The following PCDH9 variants were observed in gnomAD, a reference collection of about 807,000 sequenced individuals.
The protein encoded by PCDH9 is protocadherin 9.
PCDH9 carries 24 observed loss-of-function variants against 70.6 expected under a neutral mutation model. That is an observed-to-expected ratio of 0.34 (90% confidence interval 0.25 to 0.48). The LOEUF (loss-of-function observed/expected upper bound fraction) is 0.48. PCDH9 is among the 20% of genes least tolerant of loss of function. The pLI, the probability that PCDH9 is intolerant of heterozygous loss-of-function variation, is 0.99. For missense variants in PCDH9, 1,281 were observed against 1,503.6 expected (o/e 0.85, Z 2.45); for synonymous variants, 562 against 558.5 (o/e 1.01, Z -0.09).
chr13:67,226,165 C>G lies in PCDH9; in HGVS notation c.2276G>C (p.Gly759Ala). ...AAGCGTGTGCAAAGACTTAGGGTAC[C>G]CCAGGTCACTTATGTTGACCACCAA... The part of the protein sequence containing the change: ...HRLVVNISDL[G>A]YPKSLHTLVL... Residue 759 changes from glycine to alanine, a missense_variant, in exon 2 of 5, where the codon GGG becomes GCG. Gly to Ala is a moderately conservative substitution (Grantham distance 60). Around this residue, in one of 4 missense-constraint regions of PCDH9, gnomAD observed 798 missense variants for 1,003.1 expected, o/e 0.80. Transcript: ENST00000377865. The surrounding 1 kb of genome is among the most constrained non-coding windows in gnomAD (Gnocchi z 5.0). 1.9e-6 allele frequency: 3 copies of G among 1,614,062 alleles called. No individual in the cohort carries two copies. Among genetic ancestry groups the G allele is most frequent in the Non-Finnish European group, 2.5e-6 (3 of 1,179,998 alleles).
intron 4 of PCDH9, among the ~76,000 whole-genome samples, chr13:66,356,325 C>T (rs1157535161): frequency 2.0e-5 from 3 of 152,086 alleles, no homozygotes; most frequent in Admixed American, 6.6e-5. Flanking sequence ...GTTTGAAACC[C>T]ACTCTCTAAA....
At chr13:66,603,562 A>G (rs889565775) in intron 4 of PCDH9, among the ~76,000 whole-genome samples, 8 of 152,022 alleles carry the variant, frequency 5.3e-5, no homozygotes, top group Non-Finnish European at 1.2e-4. Flanking sequence ...ATACATTGAC[A>G]TTCATATATA....
chr13:66,381,925 A>G (rs1956855519), intron 4 of PCDH9, among the ~76,000 whole-genome samples: 1 of 152,110 alleles, frequency 6.6e-6, no homozygotes, highest in Non-Finnish European at 1.5e-5. Flanking sequence ...GCACTTTGCC[A>G]TCTATACCAA....
intron 3 of PCDH9, among the ~76,000 whole-genome samples, chr13:66,772,289 T>G (rs757933671): frequency 6.6e-6 from 1 of 152,218 alleles, no homozygotes; most frequent in Non-Finnish European, 1.5e-5. Flanking sequence ...CTATCAATTC[T>G]CAAAACTCCC....
intron 3 of PCDH9, among the ~76,000 whole-genome samples, chr13:66,686,655 A>G (rs1237014718): frequency 6.6e-6 from 1 of 152,186 alleles, no homozygotes; most frequent in Non-Finnish European, 1.5e-5. Flanking sequence ...GTATAATATT[A>G]GTCTAACCAT....
chr13:67,033,726 G>A (rs1434065406), intron 2 of PCDH9, among the ~76,000 whole-genome samples: 3 of 152,166 alleles, frequency 2.0e-5, no homozygotes, highest in Admixed American at 2.0e-4. Context: ...TCTGCAATAT[G>A]AGCTTATTAA....
At chr13:66,497,502 A>G (rs1000066677) in intron 4 of PCDH9, among the ~76,000 whole-genome samples, 3 of 152,164 alleles carry the variant, frequency 2.0e-5, no homozygotes, top group Non-Finnish European at 4.4e-5. Context: ...CAGATGTCAC[A>G]CAGTCAATAT....
chr13:66,690,215 C>T (rs1165381243), intron 3 of PCDH9, among the ~76,000 whole-genome samples: 1 of 152,028 alleles, frequency 6.6e-6, no homozygotes, highest in African/African-American at 2.4e-5. Context: ...TGGAGTAATG[C>T]AGTTTTTTTT....
At chr13:66,643,360 G>A (rs1055420704) in intron 3 of PCDH9, among the ~76,000 whole-genome samples, 1 of 151,968 alleles carries the variant, frequency 6.6e-6, no homozygotes, top group African/African-American at 2.4e-5. Context: ...CCGGGTAGAG[G>A]AGTCTTTGTT....
chr13:67,031,224 T>C (rs1384957621), intron 2 of PCDH9, among the ~76,000 whole-genome samples: 2 of 152,176 alleles, frequency 1.3e-5, no homozygotes, highest in Non-Finnish European at 1.5e-5. Context: ...GTTGAAAACA[T>C]TCATAATTTT....
At chr13:66,936,181 T>C (rs1016393510) in intron 2 of PCDH9, among the ~76,000 whole-genome samples, 1 of 152,208 alleles carries the variant, frequency 6.6e-6, no homozygotes, top group Non-Finnish European at 1.5e-5. Flanking sequence ...CTTAAATATC[T>C]TATGCATGTT....
chr13:67,163,670 G>T (rs1415276086), intron 2 of PCDH9, among the ~76,000 whole-genome samples: 2 of 152,182 alleles, frequency 1.3e-5, no homozygotes, highest in Non-Finnish European at 2.9e-5. Flanking sequence ...AGAATTTGCT[G>T]CGTCAAGTAA....
At chr13:67,079,325 T>C (rs2085939588) in intron 2 of PCDH9, among the ~76,000 whole-genome samples, 1 of 151,978 alleles carries the variant, frequency 6.6e-6, no homozygotes, top group Non-Finnish European at 1.5e-5. Flanking sequence ...ACAAACATAA[T>C]AAGCTGTGTG....
intron 3 of PCDH9, among the ~76,000 whole-genome samples, chr13:66,638,914 C>T (rs1320915887): frequency 1.3e-5 from 2 of 152,076 alleles, no homozygotes; most frequent in African/African-American, 4.8e-5. Context: ...TCCTCCTTTC[C>T]TCTTTGAATT....
chr13:66,571,502 C>T (rs1466528742), intron 4 of PCDH9, among the ~76,000 whole-genome samples: 1 of 151,666 alleles, frequency 6.6e-6, no homozygotes, highest in Admixed American at 6.6e-5. Context: ...AAAAATAGCA[C>T]CTAAATGGCA....
At chr13:66,406,399 A>T (rs1957281922) in intron 4 of PCDH9, among the ~76,000 whole-genome samples, 1 of 152,160 alleles carries the variant, frequency 6.6e-6, no homozygotes, top group Non-Finnish European at 1.5e-5. Context: ...CAATGTAAAA[A>T]CTGCTCCTGT....
chr13:66,822,875 A>G (rs906261325), intron 3 of PCDH9, among the ~76,000 whole-genome samples: 3 of 152,126 alleles, frequency 2.0e-5, no homozygotes, highest in Non-Finnish European at 4.4e-5. Context: ...TATATATTAA[A>G]TAAAAACAAT....
chr13:66,592,331 G>A (rs2077048947), intron 4 of PCDH9, among the ~76,000 whole-genome samples: 2 of 151,570 alleles, frequency 1.3e-5, no homozygotes, highest in South Asian at 2.1e-4. Context: ...CCAATGATGG[G>A]GGGAAGAAAG....
intron 4 of PCDH9, among the ~76,000 whole-genome samples, chr13:66,357,556 T>A (rs1280886931): frequency 2.6e-5 from 4 of 152,040 alleles, no homozygotes; most frequent in African/African-American, 7.2e-5. Context: ...CTCAGATTCT[T>A]CCTGTGAAAA....
Sources: gnomAD v4.1 joint callset for allele counts (sites outside exome capture counted in the v4.1 genomes callset) on GRCh38, gnomAD v4.1.1 for gene constraint, gnomAD v4.1.1 regional missense constraint, Gnocchi (gnomAD v3.1) non-coding constraint, MANE v1.5 for transcripts, NCBI Gene and HGNC (gene_info 2026-07-23, HGNC 2026-07-21) for gene names.